CRACD: variants seen among roughly 807,000 people sequenced by gnomAD.
CRACD encodes capping protein inhibiting regulator of actin dynamics, also known as capping protein-inhibiting regulator of actin dynamics.
A neutral mutation model predicts 106.8 loss-of-function variants in CRACD; 56 were observed. That is an observed-to-expected ratio of 0.52 (90% CI 0.42 to 0.66). CRACD has a LOEUF of 0.66. CRACD is among the 30% of genes least tolerant of loss of function. CRACD has a pLI of 0.00. For missense variants in CRACD, 1,730 were observed against 1,623.2 expected, an observed-to-expected ratio of 1.07 and a Z score of -1.13; for synonymous variants, 754 against 670.8, an observed-to-expected ratio of 1.12 and a Z score of -1.92.
intron 4 of CRACD, among the ~76,000 whole-genome samples, chr4:56,304,409 A>G (rs1161784140): frequency 2.0e-5 from 3 of 147,918 alleles, no homozygotes; most frequent in Non-Finnish European, 4.5e-5. Context: ...GACTGTGATT[A>G]CATTTTGCCT....
At chr4:56,300,014 T>C (rs1245781703) in intron 4 of CRACD, among the ~76,000 whole-genome samples, 6 of 151,104 alleles carry the variant, frequency 4.0e-5, no homozygotes, top group Middle Eastern at 3.4e-3. Flanking sequence ...GGCAGGCGCC[T>C]GTAGTCCCAG....
Position 56,330,022 on chromosome 4 carries a change from A to C in CRACD, c.*2218A>C, listed in dbSNP as rs1165110880. Among the ~76,000 whole-genome samples the C allele has an allele frequency of 6.6e-6, 1 of 152,222 alleles. No homozygotes were observed. The highest frequency in any genetic ancestry group is 1.5e-5 in the Non-Finnish European group (1 of 68,042). On this transcript the variant is annotated 3_prime_UTR_variant, in exon 11 of 11. Transcript: ENST00000682029. ...ACTTCTAACAGCTTCTAAAGGGTACATGTTTAACATTTCATTTCAAAATCA... is the reference window on the plus strand; with the variant it reads ...ACTTCTAACAGCTTCTAAAGGGTACCTGTTTAACATTTCATTTCAAAATCA...
At position 56,316,175 on chromosome 4, in the gene CRACD, A is replaced by G; in HGVS notation, c.2673A>G (p.Gly891=). 1 of 1,614,170 alleles carries G rather than the reference A, an allele frequency of 6.2e-7. No homozygotes were observed. Among genetic ancestry groups the G allele is most frequent in the Non-Finnish European group, 8.5e-7 (1 of 1,180,014 alleles). ...CGCCTGCAGCGGGGAGCGCTCGTGG[A>G]GAGAAAGAGATGGAGGGTGTGGCCC... ...AGPPAAGSAR[G]EKEMEGVALK... is the part of the protein sequence containing the mutation. The change falls in exon 8 of 11, where the codon GGA becomes GGG. Residue 891 remains glycine (G), a synonymous_variant. Coordinates refer to ENST00000682029, the MANE Select transcript of CRACD (RefSeq NM_001393381.1).
chr4:56,132,045 A>G (rs890576660), intron 1 of CRACD, among the ~76,000 whole-genome samples: 6 of 152,092 alleles, frequency 3.9e-5, no homozygotes, highest in African/African-American at 1.2e-4. Flanking sequence ...TATACATTCA[A>G]TTATATTTTA....
intron 2 of CRACD, among the ~76,000 whole-genome samples, chr4:56,213,180 G>A (rs1738495247): frequency 6.6e-6 from 1 of 152,110 alleles, no homozygotes; most frequent in East Asian, 1.9e-4. Flanking sequence ...GGCACAATAG[G>A]TCACACCTAT....
At chr4:56,327,170 AACTG>A (rs1746504190) in intron 10 of CRACD, among the ~76,000 whole-genome samples, 2 of 152,308 alleles carry the variant, frequency 1.3e-5, no homozygotes, top group South Asian at 4.1e-4. Context: ...TTGAAATTAG[AACTG>A]ACTACTTTGG....
Position 56,315,605 on chromosome 4 carries a change from C to T in CRACD, c.2103C>T (p.Gly701=), listed in dbSNP as rs1431839974. The change falls in exon 8 of 11, where the codon GGC becomes GGT. Residue 701 remains glycine, a synonymous_variant. Coordinates refer to ENST00000682029, the MANE Select transcript of CRACD (RefSeq NM_001393381.1). This position sits in a 1 kb window ranked among gnomAD's most constrained non-coding sequence, Gnocchi z 4.1. ...CCGGTGATGAGTCCACTCCCAGGGG[C>T]CGGTGTGATTCCCGCGGGAACCAAC... is the stretch of plus-strand genomic sequence containing the variant. ...LRPGDESTPR[G]RCDSRGNQRK... 2 of 1,614,064 alleles carry T rather than the reference C, an allele frequency of 1.2e-6. No individual in the cohort carries two copies. Among genetic ancestry groups the T allele is most frequent in the Admixed American group, 3.3e-5 (2 of 60,004 alleles).
chr4:56,059,958 A>G (rs1732215745), intron 1 of CRACD, among the ~76,000 whole-genome samples: 2 of 152,214 alleles, frequency 1.3e-5, no homozygotes, highest in African/African-American at 4.8e-5. Flanking sequence ...TGCTGGGATT[A>G]CAGGTGTGAG....
At chr4:56,174,051 A>T (rs1402331991) in intron 1 of CRACD, among the ~76,000 whole-genome samples, 1 of 152,246 alleles carries the variant, frequency 6.6e-6, no homozygotes, top group African/African-American at 2.4e-5. Flanking sequence ...TTGTCCATTA[A>T]ATAAATTGGG....
chr4:56,057,695 G>A (rs1653877966), intron 1 of CRACD, among the ~76,000 whole-genome samples: 1 of 145,850 alleles, frequency 6.9e-6, no homozygotes, highest in Non-Finnish European at 1.5e-5. Context: ...CACAGTCTCA[G>A]CTCACTGCAA....
At chr4:56,260,408 T>C (rs1741624430) in intron 2 of CRACD, among the ~76,000 whole-genome samples, 1 of 152,242 alleles carries the variant, frequency 6.6e-6, no homozygotes, top group African/African-American at 2.4e-5. Flanking sequence ...GACTTTCTTA[T>C]TGACTTTATT....
At chr4:56,218,568 C>G (rs995647403) in intron 2 of CRACD, among the ~76,000 whole-genome samples, 2 of 131,808 alleles carry the variant, frequency 1.5e-5, no homozygotes, top group African/African-American at 5.6e-5. Context: ...CTCTTCACTT[C>G]TCCCCTCCTT....
chr4:56,185,457 T>A (rs1433629401), intron 2 of CRACD, among the ~76,000 whole-genome samples: 1 of 152,226 alleles, frequency 6.6e-6, no homozygotes, highest in Non-Finnish European at 1.5e-5. Flanking sequence ...TAAATCAAAT[T>A]GTACAATCTG....
chr4:56,324,605 C>T (rs1454090582), intron 10 of CRACD, among the ~76,000 whole-genome samples: 1 of 152,220 alleles, frequency 6.6e-6, no homozygotes, highest in Admixed American at 6.5e-5. Context: ...AGCTGGCTCA[C>T]TACATTTGTG....
chr4:56,162,115 C>A (rs750626942), intron 1 of CRACD, among the ~76,000 whole-genome samples: 2 of 152,026 alleles, frequency 1.3e-5, no homozygotes, highest in Non-Finnish European at 2.9e-5. Context: ...ACTACAAGCA[C>A]CACTTTGTTG....
chr4:56,298,612 A>T (rs921125778), intron 4 of CRACD, among the ~76,000 whole-genome samples: 3 of 152,152 alleles, frequency 2.0e-5, no homozygotes, highest in Non-Finnish European at 2.9e-5. Flanking sequence ...ATTTTACTGG[A>T]CATGAAAACA....
intron 1 of CRACD, among the ~76,000 whole-genome samples, chr4:56,142,175 C>T (rs1284931754): frequency 6.6e-6 from 1 of 152,088 alleles, no homozygotes; most frequent in African/African-American, 2.4e-5. Flanking sequence ...GTTTTAACAC[C>T]AATGGGATTA....
intron 2 of CRACD, among the ~76,000 whole-genome samples, chr4:56,251,486 A>G (rs558753804): frequency 6.6e-6 from 1 of 152,362 alleles, no homozygotes; most frequent in East Asian, 1.9e-4. Context: ...TGAAGCATAT[A>G]TGAAAAGTAA....
intron 9 of CRACD, among the ~76,000 whole-genome samples, chr4:56,323,876 G>C (rs1746263763): frequency 6.6e-6 from 1 of 152,236 alleles, no homozygotes; most frequent in South Asian, 2.1e-4. Context: ...TAGTCAGTTT[G>C]ATGAGGCTCT....
Sources: allele counts gnomAD v4.1 joint callset (sites outside exome capture counted in the v4.1 genomes callset), GRCh38; gene constraint gnomAD v4.1.1; non-coding constraint Gnocchi (gnomAD v3.1); transcripts MANE v1.5; gene names NCBI Gene and HGNC (gene_info 2026-07-23, HGNC 2026-07-21).